DSG3: variants seen among roughly 807,000 people sequenced by gnomAD.
DSG3 encodes the protein desmoglein 3.
DSG3 carries 63 observed loss-of-function variants against 85.9 expected under a neutral mutation model. The ratio of observed to expected loss-of-function variants is 0.73; its 90% CI spans 0.60 to 0.90. The LOEUF (loss-of-function observed/expected upper bound fraction) is 0.90, where lower values mean the gene tolerates loss of function less well. Among genes scored for constraint, DSG3 ranks in the 40% least tolerant of loss-of-function variants. The pLI is 0.00. For synonymous variants in DSG3, 447 were observed against 441.9 expected, an observed-to-expected ratio of 1.01 and a Z score of -0.14; for missense variants, 1,220 against 1,219.9, an observed-to-expected ratio of 1.00 and a Z score of 0.00.
At chr18:31,448,161 T>C (rs1254685115) in intron 1 of DSG3, among the ~76,000 whole-genome samples, 1 of 152,230 alleles carries the variant, frequency 6.6e-6, no homozygotes, top group Admixed American at 6.5e-5. Flanking sequence ...ATTTAGAATT[T>C]TTTTTAGTTA....
intron 12 of DSG3, among the ~76,000 whole-genome samples, chr18:31,470,193 TCA>T (rs1454913196): frequency 7.2e-5 from 11 of 152,214 alleles, no homozygotes; most frequent in African/African-American, 2.4e-4. Flanking sequence ...CTTGCTAAAT[TCA>T]CACTTTCTTA....
intron 1 of DSG3, among the ~76,000 whole-genome samples, chr18:31,452,717 T>C (rs1314620293): frequency 6.6e-6 from 1 of 152,098 alleles, no homozygotes; most frequent in Non-Finnish European, 1.5e-5. Flanking sequence ...TTTATTCCTA[T>C]TGTACAGATG....
intron 12 of DSG3, 36 bp from the exon 13 acceptor site, chr18:31,472,248 T>G: frequency 6.2e-7 from 1 of 1,613,854 alleles, no homozygotes; most frequent in Non-Finnish European, 8.5e-7. Context: ...CCTAAATTAG[T>G]CAAGTGTTCT....
In DSG3 at chr18:31,476,090, G is replaced by A. The variant is rs376372895; in HGVS notation, c.2830G>A (p.Val944Met). The A allele has an allele frequency of 1.5e-5, 24 of 1,614,000 alleles. No homozygotes were observed. The highest frequency in any genetic ancestry group is 1.6e-4 in the Middle Eastern group (1 of 6,084). The change falls in exon 16 of 16, where the codon GTG (valine) becomes ATG (methionine). Residue 944 changes from valine to methionine, a missense_variant. Transcript: ENST00000257189. Reference protein sequence around the residue: ...TETYSASGSLVQPSTAGFDPL... With the variant: ...TETYSASGSLMQPSTAGFDPL... Reference sequence around the variant, plus strand: ...GACTTACTCGGCTTCTGGTTCCCTCGTGCAACCTTCCACTGCAGGCTTTGA... The same window carrying A: ...GACTTACTCGGCTTCTGGTTCCCTCATGCAACCTTCCACTGCAGGCTTTGA...
chr18:31,448,894 C>T (rs182631744), intron 1 of DSG3, among the ~76,000 whole-genome samples: 1 of 152,136 alleles, frequency 6.6e-6, no homozygotes, highest in African/African-American at 2.4e-5. Flanking sequence ...TTAGCTCTCC[C>T]TAAGATTTTT....
At chr18:31,450,124 A>G (rs1394715730) in intron 1 of DSG3, among the ~76,000 whole-genome samples, 3 of 152,310 alleles carry the variant, frequency 2.0e-5, no homozygotes, top group Non-Finnish European at 2.9e-5. Flanking sequence ...TTAGCTTTCT[A>G]TTGGACAGTA....
chr18:31,472,684 G>A, intron 13 of DSG3, 41 bp from the exon 14 acceptor site: 8 of 1,600,824 alleles, frequency 5.0e-6, no homozygotes, highest in Non-Finnish European at 6.8e-6. Flanking sequence ...TCTGAAATCT[G>A]GTTCACTTTT....
Position 31,475,862 on chromosome 18 carries a change from A to C in DSG3, c.2602A>C (p.Lys868Gln), listed in dbSNP as rs200561595. ...EISLGVDGEG[K>Q]EVQPPSKDSG... Reference sequence around the variant, plus strand: ...AAGCCTTGGTGTTGATGGTGAAGGCAAAGAAGTTCAGCCACCCTCTAAAGA... The same window carrying C: ...AAGCCTTGGTGTTGATGGTGAAGGCCAAGAAGTTCAGCCACCCTCTAAAGA... The change falls in exon 16 of 16, where the codon AAA (lysine) becomes CAA (glutamine). Residue 868 changes from lysine to glutamine, a missense_variant. Transcript: ENST00000257189. 1 of 1,614,196 alleles carries C rather than the reference A, an allele frequency of 6.2e-7. No individual in the cohort carries two copies. The highest frequency in any genetic ancestry group is 2.2e-5 in the East Asian group (1 of 44,878).
intron 8 of DSG3, among the ~76,000 whole-genome samples, chr18:31,462,526 T>TCC (rs1205714206): frequency 3.3e-5 from 5 of 152,172 alleles, no homozygotes; most frequent in African/African-American, 1.2e-4. Context: ...GCCACAGCCA[T>TCC]CCCCACTTGT....
At chr18:31,474,953 C>A (rs1176817545) in intron 15 of DSG3, among the ~76,000 whole-genome samples, 1 of 151,970 alleles carries the variant, frequency 6.6e-6, no homozygotes, top group African/African-American at 2.4e-5. Flanking sequence ...TATCCAAATA[C>A]CTGTGTGTAT....
chr18:31,478,390 C>G lies in DSG3; in HGVS notation c.*2130C>G, dbSNP rs868344693. 1.3e-5 allele frequency: 2 copies of G among 151,890 alleles called. No individual in the cohort carries two copies. Among genetic ancestry groups the G allele is most frequent in the Non-Finnish European group, 2.9e-5 (2 of 68,010 alleles). 9.4% of individuals were successfully genotyped at this position (151,890 alleles called of 1,614,324 possible). Reference sequence around the variant, plus strand: ...CCTTGCCGCTTAAAACCCAATTTACCGTGAAATGGGAATTTTGCTGCATTG... The same window carrying G: ...CCTTGCCGCTTAAAACCCAATTTACGGTGAAATGGGAATTTTGCTGCATTG... On this transcript the variant is annotated 3_prime_UTR_variant, in exon 16 of 16. Transcript: ENST00000257189.
At chr18:31,460,089 T>C (rs1366634941) in intron 6 of DSG3, 78 bp downstream of exon 6, 59 of 1,442,160 alleles carry the variant, frequency 4.1e-5, no homozygotes, top group Non-Finnish European at 5.0e-5. Flanking sequence ...GACTCCATTT[T>C]ACCCGAAAAT....
At chr18:31,463,432 A>G (rs1410114081) in intron 8 of DSG3, among the ~76,000 whole-genome samples, 2 of 152,040 alleles carry the variant, frequency 1.3e-5, no homozygotes, top group Non-Finnish European at 2.9e-5. Flanking sequence ...TTATCTCATC[A>G]CTCTCAGAAA....
chr18:31,460,721 G>A (rs1338152038), intron 6 of DSG3, 112 bp from the exon 7 acceptor site: 6 of 998,842 alleles, frequency 6.0e-6, no homozygotes, highest in African/African-American at 1.7e-5. Flanking sequence ...TCCCACAAAT[G>A]TCTTCTACAT....
In DSG3 at chr18:31,476,199, C is replaced by T. The variant is rs1353003026; in HGVS notation, c.2939C>T (p.Thr980Met). 6.2e-6 allele frequency: 10 copies of T among 1,614,028 alleles called. No individual in the cohort carries two copies. Among genetic ancestry groups the T allele is most frequent in the African/African-American group, 1.3e-5 (1 of 74,928 alleles). ...GTTCCTGGCAACCTAGCTGGCCCAACGCAGCTACGAGGGTCACATACTATG... is the reference window on the plus strand; with the variant it reads ...GTTCCTGGCAACCTAGCTGGCCCAATGCAGCTACGAGGGTCACATACTATG... ...SSVPGNLAGP[T>M]QLRGSHTMLC... The change falls in exon 16 of 16, where the codon ACG becomes ATG. Residue 980 changes from threonine (T) to methionine (M), a missense_variant. Thr to Met is a moderately conservative substitution (Grantham distance 81). Transcript: ENST00000257189.
intron 14 of DSG3, 50 bp downstream of exon 14, chr18:31,472,838 A>C: frequency 6.5e-7 from 1 of 1,529,732 alleles, no homozygotes; most frequent in Non-Finnish European, 9.0e-7. Context: ...AGTGGTAAAT[A>C]TTAAAAAATA....
Position 31,478,336 on chromosome 18 carries a change from G to T in DSG3, c.*2076G>T, listed in dbSNP as rs77344536. On this transcript the variant is annotated 3_prime_UTR_variant, in exon 16 of 16. Coordinates refer to ENST00000257189, the MANE Select transcript of DSG3 (RefSeq NM_001944.3). ...CATAACCTTCATTTGAAGTTCAAAG[G>T]TGTATTCAGGATCCTCAAAGCATTT... 1 of 152,280 alleles carries T rather than the reference G, an allele frequency of 6.6e-6. No homozygotes were observed. The highest frequency in any genetic ancestry group is 2.1e-4 in the South Asian group (1 of 4,826). 9.4% of individuals were successfully genotyped at this position (152,280 alleles called of 1,614,324 possible).
In DSG3 at chr18:31,459,911, C is replaced by T. The variant is rs1568087307; in HGVS notation, c.584C>T (p.Ala195Val). 1 of 1,613,980 alleles carries T rather than the reference C, an allele frequency of 6.2e-7. No homozygotes were observed. The highest frequency in any genetic ancestry group is 2.2e-5 in the East Asian group (1 of 44,880). Reference protein sequence around the residue: ...DEPNHLNSKIAFKIVSQEPAG... With the variant: ...DEPNHLNSKIVFKIVSQEPAG... ...CCAAACCACTTGAATTCTAAAATTG[C>T]CTTCAAAATTGTCTCTCAGGAACCA... The change falls in exon 6 of 16, where the codon GCC (alanine) becomes GTC (valine). Residue 195 changes from alanine to valine, a missense_variant. Transcript: ENST00000257189.
At chr18:31,467,031 C>T (rs1032389220) in intron 11 of DSG3, among the ~76,000 whole-genome samples, 1 of 152,064 alleles carries the variant, frequency 6.6e-6, no homozygotes, top group Non-Finnish European at 1.5e-5. Context: ...CCATAGTGCA[C>T]CCAAAAAAGA....
Sources: gnomAD v4.1 joint callset for allele counts (sites outside exome capture counted in the v4.1 genomes callset) on GRCh38, gnomAD v4.1.1 for gene constraint, MANE v1.5 for transcripts, NCBI Gene and HGNC (gene_info 2026-07-23, HGNC 2026-07-21) for gene names.